Variants in FOXP2 observed in about 807,000 individuals in gnomAD.
The protein encoded by FOXP2 is forkhead box P2, also known as forkhead box protein P2.
A neutral mutation model predicts 115.8 loss-of-function variants in FOXP2; 12 were observed. The ratio of observed to expected loss-of-function variants is 0.10; its 90% CI spans 0.07 to 0.17. The LOEUF (loss-of-function observed/expected upper bound fraction) is 0.17, where lower values mean the gene tolerates loss of function less well. Ranked by LOEUF, FOXP2 falls within the 10% of genes least tolerant of loss-of-function variation. The pLI is 1.00. For synonymous variants in FOXP2, 328 were observed against 297.7 expected (o/e 1.10, Z -1.05); for missense variants, 629 against 843.5 (o/e 0.75, Z 3.15).
chr7:114,308,517 C>T (rs1042647164), intron 2 of FOXP2, among the ~76,000 whole-genome samples: 1 of 152,088 alleles, frequency 6.6e-6, no homozygotes, highest in African/African-American at 2.4e-5. Context: ...TGGTCAAAGG[C>T]GATAAACCCT....
intron 2 of FOXP2, among the ~76,000 whole-genome samples, chr7:114,339,552 T>G (rs774841189): frequency 6.6e-6 from 1 of 151,140 alleles, no homozygotes; most frequent in Non-Finnish European, 1.5e-5. Context: ...AACAGAACAT[T>G]TCCTGAAGCT....
chr7:114,667,256 T>C (rs1807213505), intron 16 of FOXP2: 1 of 152,066 alleles, frequency 6.6e-6, no homozygotes, highest in Non-Finnish European at 1.5e-5. Flanking sequence ...AGACCCTGTA[T>C]CTACAAAAAT....
chr7:114,499,991 G>A (rs1249897455), intron 2 of FOXP2, among the ~76,000 whole-genome samples: 4 of 152,028 alleles, frequency 2.6e-5, no homozygotes, highest in Non-Finnish European at 5.9e-5. Flanking sequence ...CGAGGTGGGT[G>A]GATCACGAGG....
intron 1 of FOXP2, among the ~76,000 whole-genome samples, chr7:114,239,932 G>C (rs1795109465): frequency 6.6e-6 from 1 of 152,148 alleles, no homozygotes; most frequent in Non-Finnish European, 1.5e-5. Context: ...TGGCACGCCT[G>C]ATTTGGAAAA....
intron 1 of FOXP2, among the ~76,000 whole-genome samples, chr7:114,149,481 T>TC (rs778967122): frequency 6.6e-6 from 1 of 152,074 alleles, no homozygotes; most frequent in Non-Finnish European, 1.5e-5. Context: ...AATCTTATTT[T>TC]CTTTACAAAA....
In FOXP2 at chr7:114,154,528, T is replaced by C. The variant is rs1792610732; in HGVS notation, c.-246-8416T>C. Among the ~76,000 whole-genome samples the C allele has an allele frequency of 2.0e-5, 3 of 152,094 alleles. No homozygotes were observed. The South Asian group carries it at 6.2e-4, about 32-fold the overall frequency. ...GAATGGAAGATTATTAGTTTTATAGTTTTGATACCCTTATTTGACTCTACA... is the reference window on the plus strand; with the variant it reads ...GAATGGAAGATTATTAGTTTTATAGCTTTGATACCCTTATTTGACTCTACA... On this transcript the variant is annotated intron_variant, in intron 1 of 19. Coordinates refer to the FOXP2 transcript ENST00000635638.
chr7:114,414,887 C>G lies in FOXP2; in HGVS notation c.-484C>G, dbSNP rs950464591. 2 of 345,192 alleles carry G rather than the reference C, an allele frequency of 5.8e-6. No homozygotes were observed. Among genetic ancestry groups the G allele is most frequent in the South Asian group, 4.5e-5 (2 of 44,254 alleles). The allele number at this position is 345,192 out of a possible 1,614,324, so 21.4% of individuals were successfully genotyped here. A position where few individuals can be genotyped will look rare whatever the true frequency, so the allele number is the denominator to read the frequency against. On this transcript the variant is annotated 5_prime_UTR_variant, in exon 1 of 17. Transcript: ENST00000350908. ...TTTGTCTCTCTCTCTCTGTCTTTCTCTCTCTCACACACACACTCACACACT... is the reference window on the plus strand; with the variant it reads ...TTTGTCTCTCTCTCTCTGTCTTTCTGTCTCTCACACACACACTCACACACT...
At chr7:114,496,169 T>C (rs1300549315) in intron 2 of FOXP2, among the ~76,000 whole-genome samples, 2 of 152,170 alleles carry the variant, frequency 1.3e-5, no homozygotes, top group South Asian at 2.1e-4. Context: ...TGTGTCCTTA[T>C]TAATAGCTAC....
At chr7:114,555,349 G>A (rs1283376573) in intron 3 of FOXP2, among the ~76,000 whole-genome samples, 1 of 152,136 alleles carries the variant, frequency 6.6e-6, no homozygotes, top group Non-Finnish European at 1.5e-5. Context: ...AGATAATATA[G>A]TGCCTCTTAG....
chr7:114,087,810 C>T (rs1584470920), exon 1 of FOXP2: 1 of 152,238 alleles, frequency 6.6e-6, no homozygotes, highest in East Asian at 1.9e-4. Context: ...AAGTTACCCT[C>T]ACTATTCTCA....
In FOXP2 at chr7:114,692,080, A is replaced by G. The variant is rs906069261; in HGVS notation, c.*2154A>G. 2.2e-6 allele frequency: 1 copy of G among 453,946 alleles called. No individual in the cohort carries two copies. Among genetic ancestry groups the G allele is most frequent in the African/African-American group, 2.0e-5 (1 of 49,986 alleles). The allele number at this position is 453,946 out of a possible 1,614,324, so 28.1% of individuals were successfully genotyped here. On this transcript the variant is annotated 3_prime_UTR_variant, in exon 17 of 17. Transcript: ENST00000350908. ...AACCGGAAGTTTACAATATGGTATT[A>G]AAAGAAAGATGGGTATGGTGAAAGA...
chr7:114,533,598 A>G (rs1395872612), intron 2 of FOXP2, among the ~76,000 whole-genome samples: 3 of 151,954 alleles, frequency 2.0e-5, no homozygotes, highest in African/African-American at 7.2e-5. Flanking sequence ...TCTCATTGTG[A>G]AAAATTTATC....
intron 2 of FOXP2, among the ~76,000 whole-genome samples, chr7:114,476,947 G>C (rs1796300285): frequency 6.6e-6 from 1 of 151,898 alleles, no homozygotes; most frequent in African/African-American, 2.4e-5. Flanking sequence ...CAAAACCATA[G>C]TGAGATGCCT....
chr7:114,629,653 C>A, intron 4 of FOXP2, 152 bp from the exon 5 acceptor site: 1 of 1,597,022 alleles, frequency 6.3e-7, no homozygotes, highest in South Asian at 1.1e-5. Flanking sequence ...GTATGTAGAG[C>A]TGTCTCTTTG....
intron 1 of FOXP2, among the ~76,000 whole-genome samples, chr7:114,195,952 T>TA (rs1353461093): frequency 2.0e-5 from 3 of 152,104 alleles, no homozygotes; most frequent in South Asian, 4.1e-4. Context: ...CCTCATCTCC[T>TA]AAAAAAGAAA....
chr7:114,543,083 T>G (rs984366696), intron 3 of FOXP2, among the ~76,000 whole-genome samples: 1 of 152,124 alleles, frequency 6.6e-6, no homozygotes, highest in Non-Finnish European at 1.5e-5. Flanking sequence ...ACCCGGCCTG[T>G]TCTTTCAAAA....
Position 114,692,069 on chromosome 7 carries a change from A to G in FOXP2, c.*2143A>G, listed in dbSNP as rs1321222406. 4.4e-6 allele frequency: 2 copies of G among 454,000 alleles called. No individual in the cohort carries two copies. Among genetic ancestry groups the G allele is most frequent in the Non-Finnish European group, 8.8e-6 (2 of 226,726 alleles). The allele number at this position is 454,000 out of a possible 1,614,324, so 28.1% of individuals were successfully genotyped here. Reference sequence around the variant, plus strand: ...CATGATCAACGAACCGGAAGTTTACAATATGGTATTAAAAGAAAGATGGGT... The same window carrying G: ...CATGATCAACGAACCGGAAGTTTACGATATGGTATTAAAAGAAAGATGGGT... On this transcript the variant is annotated 3_prime_UTR_variant, in exon 17 of 17. Coordinates refer to ENST00000350908, the MANE Select transcript of FOXP2 (RefSeq NM_014491.4).
chr7:114,651,448 T>C (rs759104299), intron 8 of FOXP2, among the ~76,000 whole-genome samples: 1 of 152,110 alleles, frequency 6.6e-6, no homozygotes, highest in Non-Finnish European at 1.5e-5. Context: ...CTTTACTAAA[T>C]TACTTTTGGT....
chr7:114,245,868 T>C (rs1379894490), intron 1 of FOXP2, among the ~76,000 whole-genome samples: 2 of 152,156 alleles, frequency 1.3e-5, no homozygotes, highest in African/African-American at 4.8e-5. Context: ...CGTATTTCAT[T>C]TTCTGAAATA....
Sources: gnomAD v4.1 joint callset for allele counts (sites outside exome capture counted in the v4.1 genomes callset) on GRCh38, gnomAD v4.1.1 for gene constraint, MANE v1.5 for transcripts, NCBI Gene and HGNC (gene_info 2026-07-23, HGNC 2026-07-21) for gene names.